The following H6PD variants were observed in gnomAD, a reference collection of about 807,000 sequenced individuals.
H6PD encodes the protein hexose-6-phosphate dehydrogenase/glucose 1-dehydrogenase.
A neutral mutation model predicts 61.2 loss-of-function variants in H6PD; 48 were observed. That is an observed-to-expected ratio of 0.78 (90% CI 0.62 to 1.00). H6PD has a LOEUF of 1.00. H6PD is among the 50% of genes least tolerant of loss of function. The probability of loss-of-function intolerance (pLI) is 0.00; values close to 1 mark genes in which losing one functional copy is unlikely to be tolerated. For synonymous variants in H6PD, 480 were observed against 457.9 expected, an observed-to-expected ratio of 1.05 and a Z score of -0.62; for missense variants, 1,093 against 1,065.0, an observed-to-expected ratio of 1.03 and a Z score of -0.37.
At chr1:9,255,536 C>T (rs1463620677) in intron 3 of H6PD, among the ~76,000 whole-genome samples, 2 of 152,164 alleles carry the variant, frequency 1.3e-5, no homozygotes, top group Non-Finnish European at 2.9e-5. Context: ...CCCACCTCAG[C>T]CTCCCAAAGT....
At chr1:9,241,526 A>C (rs1640997836) in intron 1 of H6PD, among the ~76,000 whole-genome samples, 1 of 152,096 alleles carries the variant, frequency 6.6e-6, no homozygotes, top group South Asian at 2.1e-4. Flanking sequence ...CCTCCTGAGT[A>C]GCTGAGACTA....
At chr1:9,260,270 C>T (rs567752568) in intron 3 of H6PD, among the ~76,000 whole-genome samples, 10 of 140,796 alleles carry the variant, frequency 7.1e-5, no homozygotes, top group South Asian at 2.3e-4. Context: ...GTTATGTTGT[C>T]GTTACGCCAG....
Position 9,263,945 on chromosome 1 carries a change from CT to C in H6PD, c.1454del (p.Phe485SerfsTer79), listed in dbSNP as rs1638442651. 4.3e-6 allele frequency: 7 copies of C among 1,614,090 alleles called. No individual in the cohort carries two copies. Among genetic ancestry groups the C allele is most frequent in the Non-Finnish European group, 5.9e-6 (7 of 1,180,022 alleles). ...CAGAGAACTTGCTGGCCTCCTGGAA[CT>C]TCTGGACCCCTCTGCTGGAGAGCCT... is the stretch of plus-strand genomic sequence containing the variant. ...TTENLLASWN[F>X]WTPLLESLAH... On this transcript the variant is annotated frameshift_variant, in exon 5 of 5. Coordinates refer to ENST00000377403, the MANE Select transcript of H6PD (RefSeq NM_004285.4). LOFTEE classifies it high-confidence loss of function.
In H6PD at chr1:9,264,060, T is replaced by C. The variant is rs1006906640; in HGVS notation, c.1567T>C (p.Ser523Pro). The C allele has an allele frequency of 1.9e-6, 3 of 1,614,122 alleles. No individual in the cohort carries two copies. The highest frequency in any genetic ancestry group is 2.5e-6 in the Non-Finnish European group (3 of 1,180,030). ...GTTCAGTAGCGGCCGGTTGTTCTTT[T>C]CCCAGCAGCAGCCGGAGCAGCTGGT... ...FEFSSGRLFF[S>P]QQQPEQLVPG... The change falls in exon 5 of 5, where the codon TCC (serine) becomes CCC (proline). Residue 523 changes from serine (S) to proline (P), a missense_variant. Transcript: ENST00000377403.
chr1:9,251,102 C>T (rs143146328), intron 3 of H6PD, among the ~76,000 whole-genome samples: 55 of 152,216 alleles, frequency 3.6e-4, no homozygotes, highest in African/African-American at 1.2e-3. Context: ...GCTGGGGTCT[C>T]GAAGCAGCAT....
At chr1:9,237,372 A>ACAGC (rs1288952101) in intron 1 of H6PD, among the ~76,000 whole-genome samples, 1 of 149,164 alleles carries the variant, frequency 6.7e-6, no homozygotes, top group Non-Finnish European at 1.5e-5. Flanking sequence ...AGCTGGGATT[A>ACAGC]CAGGCACCTG....
At chr1:9,237,124 C>T (rs1275444869) in intron 1 of H6PD, among the ~76,000 whole-genome samples, 1 of 151,922 alleles carries the variant, frequency 6.6e-6, no homozygotes, top group Non-Finnish European at 1.5e-5. Flanking sequence ...TACATTTTGC[C>T]ATTCAGGGAT....
chr1:9,250,230 A>C (rs932689785), intron 3 of H6PD, among the ~76,000 whole-genome samples: 4 of 152,162 alleles, frequency 2.6e-5, no homozygotes, highest in Admixed American at 6.5e-5. Flanking sequence ...GCTGCCTCCT[A>C]CTGGAGCTTG....
rs1570087898 is a variant in H6PD, at chr1:9,244,997, G to A, written c.63G>A (p.Glu21=). ...TTCTGGGCTGCCTGCAAGCCCAGGAGCTCCAGGGACATGTCTCCATAATCC... is the reference window on the plus strand; with the variant it reads ...TTCTGGGCTGCCTGCAAGCCCAGGAACTCCAGGGACATGTCTCCATAATCC... ...LALLGCLQAQ[E]LQGHVSIILL... The change falls in exon 2 of 5, where the codon GAG becomes GAA. Residue 21 remains glutamate (E), a synonymous_variant. Transcript: ENST00000377403. 6.2e-7 allele frequency: 1 copy of A among 1,614,148 alleles called. No homozygotes were observed. Among genetic ancestry groups the A allele is most frequent in the South Asian group, 1.1e-5 (1 of 91,086 alleles).
intron 1 of H6PD, among the ~76,000 whole-genome samples, chr1:9,243,150 A>G (rs1390645050): frequency 6.6e-6 from 1 of 151,532 alleles, no homozygotes; most frequent in Non-Finnish European, 1.5e-5. Flanking sequence ...CCTCACTAGG[A>G]CCCTCTTGGA....
chr1:9,237,143 A>G (rs1032975259), intron 1 of H6PD, among the ~76,000 whole-genome samples: 6 of 149,924 alleles, frequency 4.0e-5, no homozygotes, highest in African/African-American at 1.5e-4. Context: ...ATGTAGTCAC[A>G]TTTTACGGGA....
chr1:9,255,668 C>T (rs982947383), intron 3 of H6PD, among the ~76,000 whole-genome samples: 1 of 152,108 alleles, frequency 6.6e-6, no homozygotes, highest in African/African-American at 2.4e-5. Flanking sequence ...TACATTCTCC[C>T]GAAAAGGAGA....
chr1:9,258,820 C>A (rs147840343), intron 3 of H6PD, among the ~76,000 whole-genome samples: 1 of 142,904 alleles, frequency 7.0e-6, no homozygotes, highest in Non-Finnish European at 1.5e-5. Context: ...TGTTGTTACT[C>A]TGGTGTTGTT....
At chr1:9,248,893 C>T (rs1641269327) in intron 3 of H6PD, among the ~76,000 whole-genome samples, 2 of 152,236 alleles carry the variant, frequency 1.3e-5, no homozygotes, top group African/African-American at 4.8e-5. Context: ...AGCCAGGGCG[C>T]TGGCCGTGGG....
rs951355293 is a variant in H6PD at position 9,270,535 on chromosome 1, C to T, written c.*5666C>T. 1 of 152,268 alleles carries T rather than the reference C, an allele frequency of 6.6e-6. No homozygotes were observed. Among genetic ancestry groups the T allele is most frequent in the Non-Finnish European group, 1.5e-5 (1 of 68,072 alleles). 9.4% of individuals were successfully genotyped at this position (152,268 alleles called of 1,614,324 possible). ...ACAGCCTGCCCCTCCTAGTTCTGTC[C>T]ACCGGGAAGAGCCGGCTGGCGGCAG... is the stretch of plus-strand genomic sequence containing the variant. On this transcript the variant is annotated 3_prime_UTR_variant, in exon 5 of 5. Transcript: ENST00000377403.
At chr1:9,263,255 G>A (rs1638397457) in intron 4 of H6PD, among the ~76,000 whole-genome samples, 1 of 152,160 alleles carries the variant, frequency 6.6e-6, no homozygotes, top group Non-Finnish European at 1.5e-5. Flanking sequence ...TTTCCTGGGG[G>A]ACCATAACTC....
At position 9,244,652 on chromosome 1, in the gene H6PD, A is replaced by G. The variant is rs114107878; in HGVS notation, c.-10-273A>G. Among the ~76,000 whole-genome samples the G allele has an allele frequency of 7.5e-3, 1,142 of 152,264 alleles. 11 individuals carry two copies. Among genetic ancestry groups the G allele is most frequent in the African/African-American group, 0.026 (1,075 of 41,536 alleles). On this transcript the variant is annotated intron_variant, in intron 1 of 4. Coordinates refer to ENST00000377403, the MANE Select transcript of H6PD (RefSeq NM_004285.4). ...CCCTGGTGGCCTTTGCCGCTTTCCTATGCTCCTGGCAGCAAAGTGGTTCAT... is the reference window on the plus strand; with the variant it reads ...CCCTGGTGGCCTTTGCCGCTTTCCTGTGCTCCTGGCAGCAAAGTGGTTCAT...
intron 3 of H6PD, among the ~76,000 whole-genome samples, chr1:9,250,454 A>C (rs1570099800): frequency 2.0e-4 from 8 of 40,206 alleles, no homozygotes; most frequent in South Asian, 8.4e-4. Context: ...CCCACTCCCC[A>C]CCCTACACAC....
At chr1:9,262,617 C>T (rs1260755366) in intron 4 of H6PD, among the ~76,000 whole-genome samples, 1 of 152,224 alleles carries the variant, frequency 6.6e-6, no homozygotes, top group Non-Finnish European at 1.5e-5. Context: ...GAGGCTCAGA[C>T]AGACCTGGTT....
Sources: gnomAD v4.1 joint callset for allele counts (sites outside exome capture counted in the v4.1 genomes callset) on GRCh38, gnomAD v4.1.1 for gene constraint, MANE v1.5 for transcripts, NCBI Gene and HGNC (gene_info 2026-07-23, HGNC 2026-07-21) for gene names.